Variants in CNTN6 observed in about 807,000 individuals in gnomAD.
CNTN6 encodes the protein contactin-6.
In CNTN6, 137 loss-of-function variants were observed where a neutral mutation model predicts 122.8. The ratio of observed to expected loss-of-function variants is 1.12; its 90% CI spans 0.97 to 1.29. The LOEUF (loss-of-function observed/expected upper bound fraction) is 1.29. CNTN6 is among the 50% of genes most tolerant of loss of function. The probability of loss-of-function intolerance (pLI) is 0.00; values close to 1 mark genes in which losing one functional copy is unlikely to be tolerated. For missense variants in CNTN6, 1,634 were observed against 1,223.4 expected (o/e 1.34, Z -5.01); for synonymous variants, 570 against 426.0 (o/e 1.34, Z -4.16).
intron 7 of CNTN6, among the ~76,000 whole-genome samples, chr3:1,309,018 A>G (rs748383999): frequency 1.3e-5 from 2 of 152,150 alleles, no homozygotes; most frequent in African/African-American, 2.4e-5. Flanking sequence ...AATTCTTTGC[A>G]TATTTTGAAC....
intron 4 of CNTN6, among the ~76,000 whole-genome samples, chr3:1,250,582 A>G (rs986420549): frequency 6.6e-6 from 1 of 152,190 alleles, no homozygotes; most frequent in African/African-American, 2.4e-5. Flanking sequence ...TACATAAGGC[A>G]GCAAGCCTGG....
chr3:1,384,750 C>CATATAT (rs370173295), intron 19 of CNTN6, among the ~76,000 whole-genome samples: 2 of 99,762 alleles, frequency 2.0e-5, no homozygotes, highest in Non-Finnish European at 3.8e-5. Context: ...CATATATACA[C>CATATAT]ATATATATAC....
At position 1,272,002 on chromosome 3, in the gene CNTN6, G is replaced by T. The variant is rs552134814; in HGVS notation, c.359-6411G>T. Among the ~76,000 whole-genome samples the T allele has an allele frequency of 6.6e-4, 100 of 152,220 alleles. 1 individual carries two copies. Among genetic ancestry groups the T allele is most frequent in the African/African-American group, 2.2e-3 (93 of 41,534 alleles). On this transcript the variant is annotated intron_variant, in intron 4 of 22. Coordinates refer to ENST00000446702, the MANE Select transcript of CNTN6 (RefSeq NM_001289080.2). ...AGTGGGAGGTAATTGAATCATGGGG[G>T]CAGGTTTTACCCATGCTGTTCTCCT...
At chr3:1,246,149 T>G (rs371100956) in intron 4 of CNTN6, among the ~76,000 whole-genome samples, 4 of 152,156 alleles carry the variant, frequency 2.6e-5, no homozygotes, top group Non-Finnish European at 4.4e-5. Flanking sequence ...GATCCAGGAA[T>G]AGATATTTCC....
At chr3:1,314,844 T>G (rs1699870062) in intron 7 of CNTN6, among the ~76,000 whole-genome samples, 1 of 152,068 alleles carries the variant, frequency 6.6e-6, no homozygotes, top group Non-Finnish European at 1.5e-5. Flanking sequence ...CAGGCAACCT[T>G]CATTTAGAAA....
At position 1,292,430 on chromosome 3, in the gene CNTN6, G is replaced by A. The variant is rs1042244688; in HGVS notation, c.455-3171G>A. Among the ~76,000 whole-genome samples the A allele has an allele frequency of 2.6e-5, 4 of 151,892 alleles. No individual in the cohort carries two copies. The South Asian group carries it at 6.2e-4, about 24-fold the overall frequency. On this transcript the variant is annotated intron_variant, in intron 5 of 22. Coordinates refer to ENST00000446702, the MANE Select transcript of CNTN6 (RefSeq NM_001289080.2). ...TTCCTCTTTCAATAATGGGTGCTCC[G>A]AACAAAATATTTCAGTCAATTGCAT...
intron 7 of CNTN6, among the ~76,000 whole-genome samples, chr3:1,304,043 G>A (rs1251802262): frequency 6.6e-6 from 1 of 152,174 alleles, no homozygotes; most frequent in Non-Finnish European, 1.5e-5. Context: ...TTTGAGTAAT[G>A]CCATTCTTTC....
At chr3:1,367,154 A>AT (rs1708345533) in intron 12 of CNTN6, among the ~76,000 whole-genome samples, 1 of 152,100 alleles carries the variant, frequency 6.6e-6, no homozygotes, top group South Asian at 2.1e-4. Context: ...ACATCCTATC[A>AT]TTTTTTTGTG....
intron 1 of CNTN6, among the ~76,000 whole-genome samples, chr3:1,123,458 A>G (rs1314875030): frequency 2.0e-5 from 3 of 150,138 alleles, no homozygotes; most frequent in African/African-American, 4.8e-5. Flanking sequence ...AATTGCTGGC[A>G]TATAGGAACA....
chr3:1,395,193 C>G (rs1560033665), intron 20 of CNTN6, among the ~76,000 whole-genome samples: 1 of 152,170 alleles, frequency 6.6e-6, no homozygotes, highest in Non-Finnish European at 1.5e-5. Flanking sequence ...CATTTTATTA[C>G]TTTGACATTC....
chr3:1,327,476 A>G lies in CNTN6; in HGVS notation c.1103A>G (p.Asn368Ser), dbSNP rs755314476. 5 of 1,610,414 alleles carry G rather than the reference A, an allele frequency of 3.1e-6. No individual in the cohort carries two copies. Among genetic ancestry groups the G allele is most frequent in the Non-Finnish European group, 4.2e-6 (5 of 1,177,876 alleles). ...LNPEERIQIE[N>S]GTLIITMLNV... ...TATTAGGAGAGAATTCAAATAGAAA[A>G]TGGGACACTCATCATAACGATGCTG... Residue 368 changes from asparagine to serine, a missense_variant, in exon 10 of 23, where the codon AAT becomes AGT. Transcript: ENST00000446702.
chr3:1,245,808 T>C (rs1250299192), intron 4 of CNTN6, among the ~76,000 whole-genome samples: 2 of 152,108 alleles, frequency 1.3e-5, no homozygotes, highest in Non-Finnish European at 2.9e-5. Context: ...AAATGTTAAT[T>C]ATGTTTTAAA....
chr3:1,313,453 A>C (rs990241161), intron 7 of CNTN6, among the ~76,000 whole-genome samples: 1 of 152,084 alleles, frequency 6.6e-6, no homozygotes, highest in Non-Finnish European at 1.5e-5. Flanking sequence ...GTATTTTAGA[A>C]TGTACTCTCA....
rs923890664 is a variant in CNTN6, at chr3:1,099,262, T to G, written c.-83+6142T>G. 1.2e-4 allele frequency among the ~76,000 whole-genome samples: 18 copies of G among 151,920 alleles called. 1 individual carries two copies. The highest frequency in any genetic ancestry group is 4.1e-4 in the African/African-American group (17 of 41,394). ...GTCAGGAGATCGAGACCATCCTGGC[T>G]AACACGGTGAAACCCCGTCTCTACC... On this transcript the variant is annotated intron_variant, in intron 1 of 22. Transcript: ENST00000446702.
intron 4 of CNTN6, among the ~76,000 whole-genome samples, chr3:1,236,160 T>C (rs960007048): frequency 6.6e-6 from 1 of 152,072 alleles, no homozygotes; most frequent in Non-Finnish European, 1.5e-5. Flanking sequence ...AAAGTCATAA[T>C]GTCTTGAAAG....
At chr3:1,349,689 T>G (rs953826794) in intron 11 of CNTN6, among the ~76,000 whole-genome samples, 2 of 151,892 alleles carry the variant, frequency 1.3e-5, no homozygotes, top group Non-Finnish European at 2.9e-5. Context: ...TCATTTCTGC[T>G]AAGACGTGTT....
chr3:1,373,684 G>T lies in CNTN6; in HGVS notation c.1867G>T (p.Asp623Tyr). ...TCAACTAAGTTGGAGAGCAGGCCCA[G>T]ATAATAACAGTCCCATTCAAATATT... ...TSQLSWRAGP[D>Y]NNSPIQIFTI... Residue 623 changes from aspartate to tyrosine, a missense_variant, in exon 15 of 23, where the codon GAT becomes TAT. By Grantham distance (160) the Asp-to-Tyr change is radical. Coordinates refer to ENST00000446702, the MANE Select transcript of CNTN6 (RefSeq NM_001289080.2). 1 of 1,613,090 alleles carries T rather than the reference G, an allele frequency of 6.2e-7. No homozygotes were observed. Among genetic ancestry groups the T allele is most frequent in the Non-Finnish European group, 8.5e-7 (1 of 1,179,350 alleles).
At chr3:1,260,673 G>C (rs2094830766) in intron 4 of CNTN6, among the ~76,000 whole-genome samples, 1 of 152,012 alleles carries the variant, frequency 6.6e-6, no homozygotes, top group African/African-American at 2.4e-5. Context: ...GGATCCTGTG[G>C]GAGGTAATTG....
intron 4 of CNTN6, among the ~76,000 whole-genome samples, chr3:1,239,764 C>T (rs1295000384): frequency 6.6e-6 from 1 of 152,180 alleles, no homozygotes; most frequent in African/African-American, 2.4e-5. Context: ...CGTTACCTGA[C>T]TTCACCTTTT....
Sources: allele counts gnomAD v4.1 joint callset (sites outside exome capture counted in the v4.1 genomes callset), GRCh38; gene constraint gnomAD v4.1.1; transcripts MANE v1.5; gene names NCBI Gene and HGNC (gene_info 2026-07-23, HGNC 2026-07-21).